Variants in CAMK2D observed in about 807,000 individuals in gnomAD.
CAMK2D encodes the protein calcium/calmodulin dependent protein kinase II delta.
A neutral mutation model predicts 84.0 loss-of-function variants in CAMK2D; 37 were observed. The observed-to-expected ratio is 0.44, with a 90% CI of 0.34 to 0.58. The LOEUF is 0.58. Among genes scored for constraint, CAMK2D ranks in the 20% least tolerant of loss-of-function variants. CAMK2D has a pLI of 0.02. For synonymous variants in CAMK2D, 202 were observed against 212.5 expected (o/e 0.95, Z 0.43); for missense variants, 448 against 652.5 (o/e 0.69, Z 3.41).
chr4:113,485,021 C>T (rs2097752721), intron 16 of CAMK2D, among the ~76,000 whole-genome samples: 1 of 152,054 alleles, frequency 6.6e-6, no homozygotes. Context: ...CATAAATCCC[C>T]ACGTGGTTCA....
chr4:113,749,392 C>G (rs1262396871), intron 2 of CAMK2D, among the ~76,000 whole-genome samples: 1 of 151,892 alleles, frequency 6.6e-6, no homozygotes, highest in Non-Finnish European at 1.5e-5. Flanking sequence ...CTCTCCCTCA[C>G]CAAATTTCTC....
At chr4:113,481,059 T>G (rs1260960301) in intron 16 of CAMK2D, among the ~76,000 whole-genome samples, 1 of 152,230 alleles carries the variant, frequency 6.6e-6, no homozygotes, top group African/African-American at 2.4e-5. Context: ...TGTTATAGCA[T>G]CACAAATGGA....
chr4:113,648,446 CAT>C (rs1245567471), intron 3 of CAMK2D, among the ~76,000 whole-genome samples: 1 of 152,176 alleles, frequency 6.6e-6, no homozygotes, highest in African/African-American at 2.4e-5. Context: ...TGACTCAAAA[CAT>C]ATATTCATAC....
intron 16 of CAMK2D, among the ~76,000 whole-genome samples, chr4:113,470,563 G>A (rs562711814): frequency 3.9e-4 from 59 of 151,854 alleles, no homozygotes; most frequent in South Asian, 1.0e-3. Flanking sequence ...ACTTGAACCC[G>A]GTAGGTGGAG....
At chr4:113,509,736 C>T in intron 12 of CAMK2D, 61 bp from the exon 13 acceptor site, 1 of 1,209,768 alleles carries the variant, frequency 8.3e-7, no homozygotes, top group Non-Finnish European at 1.2e-6. Flanking sequence ...AGCCAGACAA[C>T]AAAGCAGTCA....
intron 2 of CAMK2D, among the ~76,000 whole-genome samples, chr4:113,744,814 A>G (rs1449452699): frequency 2.1e-4 from 32 of 152,208 alleles, no homozygotes; most frequent in Admixed American, 2.1e-3. Context: ...TACACAGTAC[A>G]TTGCATGTTC....
intron 2 of CAMK2D, among the ~76,000 whole-genome samples, chr4:113,690,063 A>G (rs2099382184): frequency 6.6e-6 from 1 of 152,230 alleles, no homozygotes; most frequent in Admixed American, 6.5e-5. Context: ...AACCTCCATG[A>G]AAAATGACAA....
intron 6 of CAMK2D, among the ~76,000 whole-genome samples, chr4:113,541,061 T>C (rs1223299463): frequency 1.3e-5 from 2 of 152,244 alleles, no homozygotes; most frequent in African/African-American, 4.8e-5. Flanking sequence ...TTCTGTACTT[T>C]CATATGAATA....
intron 3 of CAMK2D, among the ~76,000 whole-genome samples, chr4:113,625,077 G>A (rs1427933775): frequency 6.6e-6 from 1 of 152,176 alleles, no homozygotes. Context: ...GTGATCAATG[G>A]AGCAGATACA....
intron 2 of CAMK2D, among the ~76,000 whole-genome samples, chr4:113,749,507 C>T (rs986902181): frequency 6.6e-6 from 1 of 152,202 alleles, no homozygotes; most frequent in South Asian, 2.1e-4. Context: ...ATATCTAAAA[C>T]TCTATAAAGT....
chr4:113,680,126 C>T (rs2099337548), intron 2 of CAMK2D, among the ~76,000 whole-genome samples: 1 of 151,950 alleles, frequency 6.6e-6, no homozygotes, highest in African/African-American at 2.4e-5. Flanking sequence ...AAGCCAGTCA[C>T]AAATTTTTTC....
intron 2 of CAMK2D, among the ~76,000 whole-genome samples, chr4:113,718,811 C>T (rs1159500311): frequency 6.6e-6 from 1 of 152,140 alleles, no homozygotes; most frequent in Non-Finnish European, 1.5e-5. Flanking sequence ...TAATAATTTT[C>T]TCAGCTATAA....
chr4:113,667,206 G>A (rs1340828374), intron 2 of CAMK2D, among the ~76,000 whole-genome samples: 2 of 152,128 alleles, frequency 1.3e-5, no homozygotes, highest in Non-Finnish European at 2.9e-5. Flanking sequence ...CTCTTCATGA[G>A]TTATTGCTGT....
intron 2 of CAMK2D, among the ~76,000 whole-genome samples, chr4:113,711,827 G>A (rs2099493669): frequency 6.6e-6 from 1 of 152,112 alleles, no homozygotes; most frequent in Non-Finnish European, 1.5e-5. Flanking sequence ...AGAGTGATGA[G>A]GTTGTGTGAT....
At chr4:113,757,339 C>T (rs373256467) in intron 2 of CAMK2D, among the ~76,000 whole-genome samples, 3 of 152,046 alleles carry the variant, frequency 2.0e-5, no homozygotes, top group African/African-American at 7.2e-5. Context: ...TCATTCCACA[C>T]AAAACCCTAT....
At chr4:113,645,321 G>GA (rs1415000280) in intron 3 of CAMK2D, among the ~76,000 whole-genome samples, 1 of 152,090 alleles carries the variant, frequency 6.6e-6, no homozygotes, top group East Asian at 1.9e-4. Context: ...CGGCCTGAAT[G>GA]TTTTTTACAT....
At chr4:113,522,880 G>A (rs1341083306) in intron 8 of CAMK2D, among the ~76,000 whole-genome samples, 3 of 152,138 alleles carry the variant, frequency 2.0e-5, no homozygotes, top group Non-Finnish European at 4.4e-5. Context: ...ATGTTTGTAC[G>A]GCTCTCAAAA....
At chr4:113,479,644 A>C (rs2097674546) in intron 16 of CAMK2D, among the ~76,000 whole-genome samples, 1 of 152,234 alleles carries the variant, frequency 6.6e-6, no homozygotes, top group African/African-American at 2.4e-5. Context: ...GCAAAAATGA[A>C]CTTGTTTTCT....
At chr4:113,595,945 T>A (rs2154255155) in intron 4 of CAMK2D, among the ~76,000 whole-genome samples, 1 of 152,324 alleles carries the variant, frequency 6.6e-6, no homozygotes, top group African/African-American at 2.4e-5. Context: ...TGACTTTTTT[T>A]CAGGAAGTTT....
Sources: gnomAD v4.1 joint callset for allele counts (sites outside exome capture counted in the v4.1 genomes callset) on GRCh38, gnomAD v4.1.1 for gene constraint, MANE v1.5 for transcripts, NCBI Gene and HGNC (gene_info 2026-07-23, HGNC 2026-07-21) for gene names.